The following SYT16 variants were observed in gnomAD, a reference collection of about 807,000 sequenced individuals.
SYT16 encodes synaptotagmin 16.
Under a neutral mutation model 61.4 loss-of-function variants are expected in SYT16, and 42 were observed. The ratio of observed to expected loss-of-function variants is 0.68; its 90% CI spans 0.53 to 0.89. SYT16 has a LOEUF of 0.89. Ranked by LOEUF, SYT16 falls within the 40% of genes least tolerant of loss-of-function variation. The pLI, the probability that SYT16 is intolerant of heterozygous loss-of-function variation, is 0.00. For missense variants in SYT16, 804 were observed against 807.3 expected (o/e 1.00, Z 0.05); for synonymous variants, 314 against 302.3 (o/e 1.04, Z -0.40).
chr14:62,044,325 G>A (rs2054872548), intron 3 of SYT16, among the ~76,000 whole-genome samples: 1 of 152,104 alleles, frequency 6.6e-6, no homozygotes, highest in Non-Finnish European at 1.5e-5. Context: ...GGATACATGT[G>A]CAGAATGTGC....
In SYT16 at chr14:61,927,787, C is replaced by T. The variant is rs144205716; in HGVS notation, c.-324-42345C>T. ...GCACAGTTGGGGTACGTATTATTAA[C>T]TCCAAGGAGAGCAAGAAGTCATTAT... On this transcript the variant is annotated intron_variant, in intron 1 of 7. Transcript: ENST00000683842. 2.0e-3 allele frequency among the ~76,000 whole-genome samples: 299 copies of T among 152,240 alleles called. 3 individuals carry two copies. Among genetic ancestry groups the T allele is most frequent in the African/African-American group, 6.6e-3 (273 of 41,540 alleles).
At chr14:61,909,075 C>T (rs1466253829) in intron 1 of SYT16, among the ~76,000 whole-genome samples, 1 of 152,182 alleles carries the variant, frequency 6.6e-6, no homozygotes, top group Admixed American at 6.5e-5. Context: ...GCTGGGATTA[C>T]AGGCATGAGC....
At chr14:62,088,822 T>G (rs1244352308) in intron 7 of SYT16, among the ~76,000 whole-genome samples, 1 of 152,170 alleles carries the variant, frequency 6.6e-6, no homozygotes, top group Non-Finnish European at 1.5e-5. Flanking sequence ...TCAAATATTC[T>G]ATATATTTTA....
intron 1 of SYT16, among the ~76,000 whole-genome samples, chr14:61,911,409 T>G (rs1013608718): frequency 6.6e-6 from 1 of 152,228 alleles, no homozygotes; most frequent in Non-Finnish European, 1.5e-5. Context: ...TTCTTACAGT[T>G]CTGGATTATA....
chr14:61,947,288 G>T (rs976592654), intron 1 of SYT16, among the ~76,000 whole-genome samples: 1 of 151,230 alleles, frequency 6.6e-6, no homozygotes, highest in Non-Finnish European at 1.5e-5. Flanking sequence ...GTGTGTGTGT[G>T]TGTGTGTGTG....
chr14:61,824,238 T>C (rs2045703166), intron 1 of SYT16, among the ~76,000 whole-genome samples: 1 of 152,230 alleles, frequency 6.6e-6, no homozygotes, highest in South Asian at 2.1e-4. Context: ...TTTTTGGTCT[T>C]ATTCTAGTCT....
At chr14:61,941,595 A>C (rs576808925) in intron 1 of SYT16, among the ~76,000 whole-genome samples, 1 of 151,944 alleles carries the variant, frequency 6.6e-6, no homozygotes, top group African/African-American at 2.4e-5. Flanking sequence ...CTCTCATTCT[A>C]TCTTCCCTTG....
chr14:61,998,462 G>A (rs531554655), intron 3 of SYT16, among the ~76,000 whole-genome samples: 6 of 151,968 alleles, frequency 3.9e-5, no homozygotes, highest in Non-Finnish European at 8.8e-5. Flanking sequence ...CGTCTTTTGA[G>A]TCCAGCTTCT....
At chr14:62,001,004 G>C (rs749568245) in intron 3 of SYT16, among the ~76,000 whole-genome samples, 5 of 152,178 alleles carry the variant, frequency 3.3e-5, no homozygotes, top group Non-Finnish European at 7.4e-5. Context: ...TAAGGCTGCA[G>C]TGAACTGTGA....
chr14:61,894,360 A>C (rs1490999193), intron 1 of SYT16, among the ~76,000 whole-genome samples: 1 of 151,736 alleles, frequency 6.6e-6, no homozygotes, highest in South Asian at 2.1e-4. Context: ...CTGCCCCCCA[A>C]ATCAAGTGTA....
At chr14:62,075,419 T>C (rs761095384) in intron 5 of SYT16, 28 bp downstream of exon 5, 1 of 1,577,510 alleles carries the variant, frequency 6.3e-7, no homozygotes, top group Non-Finnish European at 8.7e-7. Flanking sequence ...CATTCTTTCA[T>C]TGGTTCCCTT....
chr14:61,991,746 C>T (rs2052558117), intron 2 of SYT16, among the ~76,000 whole-genome samples: 2 of 152,284 alleles, frequency 1.3e-5, no homozygotes, highest in Admixed American at 6.5e-5. Flanking sequence ...AAGTACAGAA[C>T]TATTCCATGA....
At chr14:61,901,126 G>T (rs217648) in intron 1 of SYT16, among the ~76,000 whole-genome samples, 138,333 of 152,302 alleles carry the variant, frequency 0.91, 62,960 homozygotes, top group East Asian at 0.98. Flanking sequence ...AACTAATCTA[G>T]CCTTCCCTTT....
intron 3 of SYT16, among the ~76,000 whole-genome samples, chr14:62,046,788 G>C (rs536795511): frequency 1.3e-5 from 2 of 152,034 alleles, no homozygotes; most frequent in African/African-American, 4.8e-5. Context: ...ATGTCTGAGG[G>C]CTCTGTTCTG....
At chr14:61,832,680 C>T (rs1371832824) in intron 1 of SYT16, among the ~76,000 whole-genome samples, 2 of 152,128 alleles carry the variant, frequency 1.3e-5, no homozygotes, top group African/African-American at 2.4e-5. Flanking sequence ...TCAGGTGATC[C>T]GCCCACCTCG....
At chr14:61,963,788 C>A (rs1311513864) in intron 1 of SYT16, among the ~76,000 whole-genome samples, 1 of 152,120 alleles carries the variant, frequency 6.6e-6, no homozygotes, top group African/African-American at 2.4e-5. Context: ...CTTCAAAGGG[C>A]GAGCTGGCCC....
At chr14:61,829,131 G>A (rs576137147) in intron 1 of SYT16, among the ~76,000 whole-genome samples, 3 of 152,114 alleles carry the variant, frequency 2.0e-5, no homozygotes, top group Non-Finnish European at 4.4e-5. Flanking sequence ...ACTATTTAGT[G>A]TTGTATTTTA....
At chr14:61,960,114 A>G (rs1474502453) in intron 1 of SYT16, among the ~76,000 whole-genome samples, 6 of 152,136 alleles carry the variant, frequency 3.9e-5, no homozygotes, top group Non-Finnish European at 7.3e-5. Context: ...TATTTGGGAA[A>G]GTCTTTATAT....
rs371283577 is a variant in SYT16, at chr14:62,092,760, T to C, written c.1625-7634T>C. On this transcript the variant is annotated intron_variant, in intron 7 of 7. Transcript: ENST00000683842. ...ATGGGGAGTTATCATTTAATGGATA[T>C]GGAGTTTCAGTTTTTACAAGATGAA... 5.4e-4 allele frequency among the ~76,000 whole-genome samples: 82 copies of C among 152,082 alleles called. 1 individual carries two copies. The Middle Eastern group carries it at 0.014, about 25-fold the overall frequency.
Sources: allele counts gnomAD v4.1 joint callset (sites outside exome capture counted in the v4.1 genomes callset), GRCh38; gene constraint gnomAD v4.1.1; transcripts MANE v1.5; gene names NCBI Gene and HGNC (gene_info 2026-07-23, HGNC 2026-07-21).